The following SNHG17 variants were observed in gnomAD, a reference collection of about 807,000 sequenced individuals.
The protein encoded by SNHG17 is small nucleolar RNA host gene 17 (non-protein coding).
intron 3 of SNHG17, chr20:38,428,107 CT>C (rs2122707906): frequency 6.6e-6 from 1 of 152,320 alleles, no homozygotes; most frequent in Non-Finnish European, 1.5e-5. Context: ...CTGTGTACCC[CT>C]ACAATGTTGC....
At chr20:38,427,194 CAA>C (rs2084263685) in intron 3 of SNHG17, 2 of 348,062 alleles carry the variant, frequency 5.7e-6, no homozygotes, top group South Asian at 4.7e-5. Flanking sequence ...CTGGTTTCTG[CAA>C]AGAGAGGTCA....
intron 2 of SNHG17, among the ~76,000 whole-genome samples, chr20:38,433,011 C>T (rs1389381922): frequency 6.6e-6 from 1 of 151,680 alleles, no homozygotes; most frequent in African/African-American, 2.4e-5. Context: ...CTCACTCTGT[C>T]GCCTAGGCTG....
intron 5 of SNHG17, among the ~76,000 whole-genome samples, chr20:38,422,751 GCA>G (rs371804031): frequency 6.6e-6 from 1 of 151,610 alleles, no homozygotes; most frequent in South Asian, 2.1e-4. Flanking sequence ...TGTGGCATAC[GCA>G]CACACACACA....
At chr20:38,428,434 T>G (rs2036902171) in intron 3 of SNHG17, 1 of 152,198 alleles carries the variant, frequency 6.6e-6, no homozygotes, top group African/African-American at 2.4e-5. Flanking sequence ...AAGCCAAAAT[T>G]CCAGAGATGG....
At chr20:38,432,638 G>C (rs2084358456) in intron 2 of SNHG17, among the ~76,000 whole-genome samples, 1 of 152,194 alleles carries the variant, frequency 6.6e-6, no homozygotes, top group Non-Finnish European at 1.5e-5. Context: ...AGGCTGCCTT[G>C]CTCAAAACTA....
chr20:38,435,263 C>T, exon 1 of SNHG17: 4 of 1,231,900 alleles, frequency 3.2e-6, no homozygotes, highest in Non-Finnish European at 4.0e-6. Flanking sequence ...AAGATGTCTG[C>T]AGATTTCGAG....
chr20:38,421,882 G>C (rs1200114672), intron 6 of SNHG17: 1 of 152,210 alleles, frequency 6.6e-6, no homozygotes. Context: ...GCCACCGTGT[G>C]TCCTTCTAAG....
chr20:38,422,749 ACG>A (rs1313104124), intron 5 of SNHG17, among the ~76,000 whole-genome samples: 3 of 152,166 alleles, frequency 2.0e-5, no homozygotes, highest in African/African-American at 7.2e-5. Flanking sequence ...AATGTGGCAT[ACG>A]CACACACACA....
chr20:38,435,255 G>C, exon 1 of SNHG17: 1 of 1,231,970 alleles, frequency 8.1e-7, no homozygotes, highest in Non-Finnish European at 1.0e-6. Context: ...GAAAAATCAA[G>C]ATGTCTGCAG....
At position 38,427,472 on chromosome 20, in the gene SNHG17, C is replaced by T. The variant is rs760135149; in HGVS notation, n.381-969G>A. On this transcript the variant is annotated intron_variant and non_coding_transcript_variant, in intron 3 of 8. Coordinates refer to ENST00000654008, the Ensembl canonical transcript of SNHG17. ...AAACAGACAGGAGAGCCAGGAAGGG[C>T]AGGAGGATGGTGCCAGGGCCTGTGG... 2.0e-5 allele frequency: 10 copies of T among 505,758 alleles called. No individual in the cohort carries two copies. The East Asian group carries it at 5.5e-4, about 28-fold the overall frequency. The allele number at this position is 505,758 out of a possible 1,614,324, so 31.3% of individuals were successfully genotyped here. A position where few individuals can be genotyped will look rare whatever the true frequency, so the allele number is the denominator to read the frequency against.
chr20:38,434,233 G>A (rs924231893), intron 2 of SNHG17, among the ~76,000 whole-genome samples: 3 of 152,218 alleles, frequency 2.0e-5, no homozygotes, highest in Admixed American at 6.5e-5. Context: ...AGGCACCGTG[G>A]GTTCAAAATC....
At chr20:38,423,305 G>A (rs2084189692) in intron 5 of SNHG17, among the ~76,000 whole-genome samples, 3 of 150,210 alleles carry the variant, frequency 2.0e-5, no homozygotes, top group South Asian at 4.2e-4. Flanking sequence ...AATGAGGTGG[G>A]AGGGTCACTT....
At chr20:38,422,205 C>G (rs1311239516) in exon 6 of SNHG17, 4 of 152,340 alleles carry the variant, frequency 2.6e-5, no homozygotes, top group African/African-American at 9.6e-5. Context: ...ACCTTGCTTC[C>G]CCTACATCAT....
At chr20:38,427,392 A>G (rs1233312642) in intron 3 of SNHG17, 1 of 518,960 alleles carries the variant, frequency 1.9e-6, no homozygotes, top group South Asian at 1.4e-5. Context: ...CTCTCCCTGC[A>G]CTATCAATGA....
chr20:38,430,960 A>G (rs2084332836), intron 3 of SNHG17: 1 of 152,454 alleles, frequency 6.6e-6, no homozygotes, highest in Admixed American at 6.6e-5. Context: ...CTCACTCCCC[A>G]CTCCTCAGCA....
intron 2 of SNHG17, chr20:38,434,429 G>A (rs1476949993): frequency 1.0e-5 from 2 of 195,118 alleles, no homozygotes; most frequent in Non-Finnish European, 1.1e-5. Context: ...AACTGGCTGA[G>A]CTCATTGACT....
intron 5 of SNHG17, among the ~76,000 whole-genome samples, chr20:38,422,521 G>C (rs955358037): frequency 2.6e-5 from 4 of 152,184 alleles, no homozygotes; most frequent in African/African-American, 9.6e-5. Context: ...CTATCTGTGA[G>C]AAAAATGGCA....
At chr20:38,432,154 C>T (rs1399769817) in intron 2 of SNHG17, 2 of 985,340 alleles carry the variant, frequency 2.0e-6, no homozygotes, top group Non-Finnish European at 2.4e-6. Context: ...AAGGAGAGTA[C>T]TGGCACAGAA....
At chr20:38,431,811 C>T (rs2084346382) in intron 2 of SNHG17, among the ~76,000 whole-genome samples, 1 of 152,150 alleles carries the variant, frequency 6.6e-6, no homozygotes, top group African/African-American at 2.4e-5. Context: ...CCTAAAGATG[C>T]TAAACCCAAG....
Sources: gnomAD v4.1 joint callset for allele counts (sites outside exome capture counted in the v4.1 genomes callset) on GRCh38, gnomAD v4.1.1 for gene constraint, MANE v1.5 for transcripts, NCBI Gene and HGNC (gene_info 2026-07-23, HGNC 2026-07-21) for gene names.